Variants in KCNAB1 observed in about 807,000 individuals in gnomAD.
KCNAB1 encodes voltage-gated potassium channel subunit beta-1.
KCNAB1 carries 35 observed loss-of-function variants against 64.6 expected under a neutral mutation model. The observed-to-expected ratio is 0.54, with a 90% confidence interval of 0.41 to 0.72. The LOEUF (loss-of-function observed/expected upper bound fraction) is 0.72. Ranked by LOEUF, KCNAB1 falls within the 30% of genes least tolerant of loss-of-function variation. The pLI is 0.00. For missense variants in KCNAB1, 401 were observed against 512.9 expected (o/e 0.78, Z 2.11); for synonymous variants, 177 against 183.8 (o/e 0.96, Z 0.30).
intron 3 of KCNAB1, among the ~76,000 whole-genome samples, chr3:156,453,625 AT>A (rs1712167347): frequency 6.6e-6 from 1 of 152,148 alleles, no homozygotes. Context: ...CCAAAGTGAT[AT>A]TTTTATCATT....
chr3:156,420,976 TTAAA>T (rs1317168561), intron 1 of KCNAB1, among the ~76,000 whole-genome samples: 6 of 149,454 alleles, frequency 4.0e-5, no homozygotes, highest in Non-Finnish European at 8.9e-5. Context: ...TGTAATATAG[TTAAA>T]TATATATCTA....
chr3:156,417,130 T>C (rs888550743), intron 1 of KCNAB1, among the ~76,000 whole-genome samples: 4 of 152,206 alleles, frequency 2.6e-5, no homozygotes, highest in African/African-American at 9.7e-5. Context: ...TGTCAAAATG[T>C]ATGTTACCTT....
intron 1 of KCNAB1, among the ~76,000 whole-genome samples, chr3:156,315,026 T>C (rs907696963): frequency 2.0e-5 from 3 of 152,136 alleles, no homozygotes; most frequent in Admixed American, 1.3e-4. Context: ...AAAAAAATTA[T>C]ATTGCAACAT....
chr3:156,286,995 A>G (rs929787393), intron 1 of KCNAB1, among the ~76,000 whole-genome samples: 1 of 152,126 alleles, frequency 6.6e-6, no homozygotes, highest in Non-Finnish European at 1.5e-5. Flanking sequence ...GCACCATTTT[A>G]TCTCTCTGAG....
intron 1 of KCNAB1, chr3:156,176,563 C>A (rs1712384103): frequency 3.7e-6 from 3 of 818,086 alleles, no homozygotes; most frequent in Admixed American, 1.7e-5. Context: ...TGTTGTAATG[C>A]AGTTCCATCA....
chr3:156,354,454 C>G (rs1384333274), intron 1 of KCNAB1, among the ~76,000 whole-genome samples: 1 of 151,848 alleles, frequency 6.6e-6, no homozygotes, highest in Non-Finnish European at 1.5e-5. Flanking sequence ...AGCCACCGTG[C>G]CCAGCCCATA....
rs887881745 is a variant in KCNAB1, at chr3:156,364,403, A to C, written c.276-57213A>C. Among the ~76,000 whole-genome samples, 7 of 152,224 alleles carry C rather than the reference A, an allele frequency of 4.6e-5. No homozygotes were observed. The East Asian group carries it at 1.3e-3, about 29-fold the overall frequency. The stretch of plus-strand genomic sequence containing the variant: ...CTTTGATGAATATCAAATGATGATC[A>C]GCTCATAACAACATATATTAGCAAT... On this transcript the variant is annotated intron_variant, in intron 1 of 13. Coordinates refer to ENST00000490337, the MANE Select transcript of KCNAB1 (RefSeq NM_172160.3).
chr3:156,342,179 C>T (rs980516905), intron 1 of KCNAB1, among the ~76,000 whole-genome samples: 11 of 152,188 alleles, frequency 7.2e-5, no homozygotes, highest in African/African-American at 2.4e-4. Flanking sequence ...GGAAGCCACA[C>T]TTCCTTTCAC....
chr3:156,408,157 C>T (rs1714382443), intron 1 of KCNAB1, among the ~76,000 whole-genome samples: 1 of 152,094 alleles, frequency 6.6e-6, no homozygotes, highest in Admixed American at 6.6e-5. Context: ...TATTTTTCTC[C>T]TTCTCTAGGC....
At chr3:156,314,600 G>T (rs1201554167) in intron 1 of KCNAB1, among the ~76,000 whole-genome samples, 1 of 152,228 alleles carries the variant, frequency 6.6e-6, no homozygotes, top group African/African-American at 2.4e-5. Flanking sequence ...GATCTTTTAC[G>T]TCAGAAACAC....
At chr3:156,519,904 A>G (rs1020859794) in intron 11 of KCNAB1, among the ~76,000 whole-genome samples, 5 of 152,212 alleles carry the variant, frequency 3.3e-5, no homozygotes, top group African/African-American at 9.6e-5. Context: ...GACCAATGAC[A>G]GTGGCCAAAA....
chr3:156,340,229 A>G (rs887516440), intron 1 of KCNAB1, among the ~76,000 whole-genome samples: 2 of 152,192 alleles, frequency 1.3e-5, no homozygotes, highest in Non-Finnish European at 2.9e-5. Context: ...AGCTCAAGTC[A>G]AAGGAAAAAC....
At position 156,235,053 on chromosome 3, in the gene KCNAB1, C is replaced by T. The variant is rs550234527; in HGVS notation, c.275+114167C>T. Among the ~76,000 whole-genome samples the T allele has an allele frequency of 1.7e-4, 26 of 152,298 alleles. No individual in the cohort carries two copies. In the East Asian group the frequency reaches 4.1e-3, roughly 24 times the overall value. ...TAGCTGTGGTGAGGGAACTGGGCTC[C>T]CTCGCTAGCTAAGTGTTTCACTCTG... On this transcript the variant is annotated intron_variant, in intron 1 of 13. Coordinates refer to ENST00000490337, the MANE Select transcript of KCNAB1 (RefSeq NM_172160.3).
intron 2 of KCNAB1, among the ~76,000 whole-genome samples, chr3:156,439,467 A>G (rs1172832019): frequency 6.6e-6 from 1 of 152,188 alleles, no homozygotes; most frequent in Non-Finnish European, 1.5e-5. Context: ...CTGTTTTGAT[A>G]TTGGAGAGAC....
intron 8 of KCNAB1, among the ~76,000 whole-genome samples, chr3:156,490,137 C>T (rs1715527177): frequency 6.6e-6 from 1 of 152,036 alleles, no homozygotes; most frequent in South Asian, 2.1e-4. Flanking sequence ...AGACCCCAGA[C>T]CCCTTCTCTC....
At chr3:156,315,597 A>G (rs1344523232) in intron 1 of KCNAB1, among the ~76,000 whole-genome samples, 2 of 152,010 alleles carry the variant, frequency 1.3e-5, no homozygotes, top group East Asian at 1.9e-4. Flanking sequence ...ATCCCTTACA[A>G]AAGCTTTTTT....
intron 1 of KCNAB1, among the ~76,000 whole-genome samples, chr3:156,328,122 G>T (rs771558934): frequency 2.6e-5 from 4 of 152,118 alleles, no homozygotes; most frequent in Non-Finnish European, 5.9e-5. Flanking sequence ...CATGGACAAA[G>T]AAACAAAGAC....
At position 156,445,654 on chromosome 3, in the gene KCNAB1, T is replaced by C. The variant is rs144755492; in HGVS notation, c.320-7245T>C. Among the ~76,000 whole-genome samples, 206 of 152,338 alleles carry C rather than the reference T, an allele frequency of 1.4e-3. 1 individual carries two copies. Among genetic ancestry groups the C allele is most frequent in the African/African-American group, 4.7e-3 (196 of 41,588 alleles). On this transcript the variant is annotated intron_variant, in intron 2 of 13. Coordinates refer to ENST00000490337, the MANE Select transcript of KCNAB1 (RefSeq NM_172160.3). ...GATTGAACAAGCAATTATTACTCAC[T>C]TACCCTGTGCCAGGCTCCAGTGCAA...
intron 1 of KCNAB1, among the ~76,000 whole-genome samples, chr3:156,162,973 G>A (rs968707467): frequency 3.9e-5 from 6 of 152,154 alleles, no homozygotes; most frequent in South Asian, 2.1e-4. Context: ...TCTGAAGTCC[G>A]TAACTAATTG....
Sources: allele counts gnomAD v4.1 joint callset (sites outside exome capture counted in the v4.1 genomes callset), GRCh38; gene constraint gnomAD v4.1.1; transcripts MANE v1.5; gene names NCBI Gene and HGNC (gene_info 2026-07-23, HGNC 2026-07-21).